Variants in ABR observed in about 807,000 individuals in gnomAD.
ABR encodes the protein active breakpoint cluster region-related protein.
ABR carries 35 observed loss-of-function variants against 107.2 expected under a neutral mutation model. The ratio of observed to expected loss-of-function variants is 0.33; its 90% CI spans 0.25 to 0.43. The LOEUF (loss-of-function observed/expected upper bound fraction) is 0.43. Among genes scored for constraint, ABR ranks in the 20% least tolerant of loss-of-function variants. ABR has a pLI of 1.00. For synonymous variants in ABR, 498 were observed against 462.0 expected (o/e 1.08, Z -1.00); for missense variants, 815 against 1,115.2 (o/e 0.73, Z 3.83).
At chr17:1,021,564 G>T (rs371308673) in intron 16 of ABR, among the ~76,000 whole-genome samples, 21 of 152,206 alleles carry the variant, frequency 1.4e-4, no homozygotes, top group East Asian at 5.8e-4. Flanking sequence ...CCAGCACTTT[G>T]GGAGGCCGAG....
intron 1 of ABR, among the ~76,000 whole-genome samples, chr17:1,218,842 C>T (rs1052150512): frequency 2.0e-5 from 3 of 152,188 alleles, no homozygotes; most frequent in Non-Finnish European, 4.4e-5. Context: ...CTGCAGTGTA[C>T]TTCTAGACTT....
chr17:1,221,546 C>T (rs757451692), intron 1 of ABR, among the ~76,000 whole-genome samples: 2 of 152,200 alleles, frequency 1.3e-5, no homozygotes, highest in Non-Finnish European at 2.9e-5. Context: ...AAGCCTCTAT[C>T]TTGTTTAAGC....
chr17:1,063,898 CTGT>C (rs1298920804), intron 10 of ABR, among the ~76,000 whole-genome samples: 75 of 147,640 alleles, frequency 5.1e-4, no homozygotes, highest in Admixed American at 6.1e-4. Flanking sequence ...CCTCCAGACA[CTGT>C]TGTTATGTGA....
chr17:1,095,069 C>A (rs573725392), intron 3 of ABR, among the ~76,000 whole-genome samples: 1 of 152,312 alleles, frequency 6.6e-6, no homozygotes, highest in South Asian at 2.1e-4. Context: ...AGAGTCGCCA[C>A]AGAATCCCCA....
intron 2 of ABR, among the ~76,000 whole-genome samples, chr17:1,110,335 A>C (rs1163463367): frequency 6.6e-6 from 1 of 152,060 alleles, no homozygotes; most frequent in Non-Finnish European, 1.5e-5. Flanking sequence ...AAAGGTTGCA[A>C]ACGGCACCCA....
intron 7 of ABR, 58 bp from the exon 8 acceptor site, chr17:1,072,812 A>G: frequency 1.3e-6 from 2 of 1,570,468 alleles, no homozygotes; most frequent in East Asian, 2.3e-5. Flanking sequence ...ATGTGTGGCC[A>G]CCGGGGAGTG....
intron 1 of ABR, among the ~76,000 whole-genome samples, chr17:1,225,147 T>TC (rs1258839320): frequency 2.6e-5 from 2 of 77,198 alleles, no homozygotes; most frequent in African/African-American, 6.8e-5. Context: ...AGACTCCATC[T>TC]CAAAAAAAAA....
chr17:1,125,249 G>A lies in ABR; in HGVS notation c.180C>T (p.Leu60=), dbSNP rs763017772. ...IDESPTMSPQ[L]SARSQGGGDG... Reference sequence around the variant, plus strand: ...CCCCCCCGCCCTGGCTGCGGGCGCTGAGCTGCGGGGACATGGTGGGCGACT... The same window carrying A: ...CCCCCCCGCCCTGGCTGCGGGCGCTAAGCTGCGGGGACATGGTGGGCGACT... The change falls in exon 2 of 23, where the codon CTC becomes CTT. Residue 60 remains leucine, a synonymous_variant. Coordinates refer to ENST00000302538, the MANE Select transcript of ABR (RefSeq NM_021962.5). 4 of 1,612,894 alleles carry A rather than the reference G, an allele frequency of 2.5e-6. No individual in the cohort carries two copies. The Admixed American group carries it at 5.0e-5, about 20-fold the overall frequency.
intron 5 of ABR, among the ~76,000 whole-genome samples, chr17:1,082,111 C>A (rs952128115): frequency 6.6e-6 from 1 of 152,084 alleles, no homozygotes; most frequent in Admixed American, 6.5e-5. Flanking sequence ...AGCGTTAGAG[C>A]TGAGACGGGA....
intron 14 of ABR, 160 bp downstream of exon 14, chr17:1,055,875 A>G: frequency 1.6e-6 from 1 of 636,824 alleles, no homozygotes; most frequent in East Asian, 2.8e-5. Context: ...AGGACTTTGG[A>G]GACAAAGGCC....
intron 2 of ABR, among the ~76,000 whole-genome samples, chr17:1,104,461 C>T (rs1340047515): frequency 6.6e-6 from 1 of 152,194 alleles, no homozygotes; most frequent in Non-Finnish European, 1.5e-5. Flanking sequence ...CTGGCTGCGA[C>T]TCAAGGCTAT....
chr17:1,004,930 G>A lies in ABR; in HGVS notation c.*1150C>T, dbSNP rs894618241. The A allele has an allele frequency of 7.5e-5, 30 of 398,414 alleles. No individual in the cohort carries two copies. Among genetic ancestry groups the A allele is most frequent in the African/African-American group, 5.5e-4 (27 of 48,760 alleles). 24.7% of individuals were successfully genotyped at this position (398,414 alleles called of 1,614,324 possible). A position where few individuals can be genotyped will look rare whatever the true frequency, so the allele number is the denominator to read the frequency against. ...GTAAAATCTAAGGCAAGAGTACCAC[G>A]AGGTCCTGCGGTGCCAGGGAGCTCC... On this transcript the variant is annotated 3_prime_UTR_variant, in exon 23 of 23. Transcript: ENST00000302538.
rs1202447661 is a variant in ABR, at chr17:1,150,257, C to G, written c.62-24890G>C. Among the ~76,000 whole-genome samples, 1 of 152,204 alleles carries G rather than the reference C, an allele frequency of 6.6e-6. No homozygotes were observed. The highest frequency in any genetic ancestry group is 2.4e-5 in the African/African-American group (1 of 41,458). On this transcript the variant is annotated intron_variant, in intron 1 of 22. Coordinates refer to ENST00000302538, the MANE Select transcript of ABR (RefSeq NM_021962.5). This position sits in a 1 kb window ranked among gnomAD's most constrained non-coding sequence, Gnocchi z 4.8. The stretch of plus-strand genomic sequence containing the variant: ...AAGCTCTTCATCTTGCTAAAGATAA[C>G]AGAGCACTTGGCCAAGCCAGCGCGA...
chr17:1,031,933 C>G (rs1006901956), intron 16 of ABR: 3 of 917,514 alleles, frequency 3.3e-6, no homozygotes, highest in Non-Finnish European at 4.1e-6. Context: ...CTCCGCATCC[C>G]TCCTTCCCCG....
Position 1,106,204 on chromosome 17 carries a change from T to G in ABR, c.247-5469A>C, listed in dbSNP as rs542992480. On this transcript the variant is annotated intron_variant, in intron 2 of 22. Transcript: ENST00000302538. ...ACTTTACCTCTGCCCCCCAGGAAGA[T>G]GAAGCGTCTTGGAAATGACACTGGA... 4.3e-4 allele frequency among the ~76,000 whole-genome samples: 66 copies of G among 152,190 alleles called. 1 individual carries two copies. In the South Asian group the frequency reaches 5.4e-3, roughly 12 times the overall value.
At chr17:1,058,604 C>T in intron 11 of ABR, 141 bp downstream of exon 11, 1 of 1,169,570 alleles carries the variant, frequency 8.6e-7, no homozygotes, top group African/African-American at 1.6e-5. Context: ...GAGAGCGAGT[C>T]AACAGCTGGA....
At chr17:1,012,974 G>A (rs537198980) in intron 17 of ABR, 131 bp downstream of exon 17, 22 of 1,194,606 alleles carry the variant, frequency 1.8e-5, no homozygotes, top group East Asian at 4.9e-5. Context: ...GAGGGGAGAG[G>A]GGGCTGGGCT....
intron 2 of ABR, among the ~76,000 whole-genome samples, chr17:1,102,536 G>A (rs117606956): frequency 0.02 from 3,088 of 152,230 alleles, 54 homozygotes; most frequent in South Asian, 0.04. Context: ...TAACACTAAC[G>A]ACAGCAGATG....
chr17:1,206,913 C>T lies in ABR; in HGVS notation c.838+21880G>A, dbSNP rs1208132854. On this transcript the variant is annotated intron_variant, in intron 1 of 22. Coordinates refer to the ABR transcript ENST00000574139. ...CACCCTGGCCAACATGGTAAAACCC[C>T]GTCTCTACTTAAAATACAAAATTTA... 2.6e-5 allele frequency among the ~76,000 whole-genome samples: 4 copies of T among 151,996 alleles called. No homozygotes were observed. The South Asian group carries it at 8.3e-4, about 32-fold the overall frequency.
Sources: allele counts gnomAD v4.1 joint callset (sites outside exome capture counted in the v4.1 genomes callset), GRCh38; gene constraint gnomAD v4.1.1; non-coding constraint Gnocchi (gnomAD v3.1); transcripts MANE v1.5; gene names NCBI Gene and HGNC (gene_info 2026-07-23, HGNC 2026-07-21).